The following TASOR2 variants were observed in gnomAD, a reference collection of about 807,000 sequenced individuals.
TASOR2 encodes the protein transcription activation suppressor family member 2.
A neutral mutation model predicts 199.5 loss-of-function variants in TASOR2; 84 were observed. The ratio of observed to expected loss-of-function variants is 0.42; its 90% CI spans 0.35 to 0.50. The LOEUF (loss-of-function observed/expected upper bound fraction) is 0.50. Among genes scored for constraint, TASOR2 ranks in the 20% least tolerant of loss-of-function variants. TASOR2 has a pLI of 0.02. For missense variants in TASOR2, 2,796 were observed against 2,835.9 expected, an observed-to-expected ratio of 0.99 and a Z score of 0.32; for synonymous variants, 1,103 against 1,046.6, an observed-to-expected ratio of 1.05 and a Z score of -1.04.
intron 11 of TASOR2, among the ~76,000 whole-genome samples, chr10:5,731,714 A>G (rs183848327): frequency 3.3e-4 from 51 of 152,350 alleles, no homozygotes; most frequent in African/African-American, 1.2e-3. Flanking sequence ...GGAAAGACCA[A>G]GATACCTCAA....
In TASOR2 at chr10:5,754,174, G is replaced by A. The variant is rs867379385; in HGVS notation, c.6607-2439G>A. Among the ~76,000 whole-genome samples, 2 of 152,114 alleles carry A rather than the reference G, an allele frequency of 1.3e-5. No homozygotes were observed. Among genetic ancestry groups the A allele is most frequent in the East Asian group, 1.9e-4 (1 of 5,160 alleles). On this transcript the variant is annotated intron_variant, in intron 15 of 20. Coordinates refer to ENST00000328090, the Ensembl canonical transcript of TASOR2. This position sits in a 1 kb window ranked among gnomAD's most constrained non-coding sequence, Gnocchi z 4.3. ...AAAAAAATTAGCCGGGTGTGGCGGC[G>A]CGCGCTTGTGGTACTCGGGAGGCTA...
chr10:5,758,950 T>C lies in TASOR2; in HGVS notation c.6950T>C (p.Leu2317Ser), dbSNP rs780459605. ...AATGGAAATGGAAGATGGAAGTGGT[T>C]GCTTCACTACAGGGAAAATAAAAAG... The change falls in exon 18 of 21, where the codon TTG becomes TCG. Residue 2317 changes from leucine to serine, a missense_variant. By Grantham distance (145) the Leu-to-Ser change is moderately radical. Around this residue, in one of 3 missense-constraint regions of TASOR2, gnomAD observed 1,941 missense variants for 1,924.9 expected, o/e 1.01. Transcript: ENST00000328090. The C allele has an allele frequency of 2.5e-6, 4 of 1,614,070 alleles. No individual in the cohort carries two copies. In the African/African-American group the frequency reaches 5.3e-5, roughly 22 times the overall value.
At chr10:5,697,023 A>G (rs1482958251) in intron 1 of TASOR2, among the ~76,000 whole-genome samples, 1 of 152,184 alleles carries the variant, frequency 6.6e-6, no homozygotes, top group Non-Finnish European at 1.5e-5. Context: ...CCAACCAAGG[A>G]GGTTCTTCAT....
chr10:5,732,930 G>A (rs1835030921), intron 11 of TASOR2, among the ~76,000 whole-genome samples: 1 of 152,102 alleles, frequency 6.6e-6, no homozygotes, highest in Non-Finnish European at 1.5e-5. Flanking sequence ...GAGGGTAAGT[G>A]GAAAGTATGG....
chr10:5,727,233 A>G (rs1426457386), intron 10 of TASOR2, 110 bp downstream of exon 11: 6 of 1,122,134 alleles, frequency 5.3e-6, no homozygotes, highest in African/African-American at 3.1e-5. Flanking sequence ...TTCCTCTTAA[A>G]TACCTCTTTT....
intron 1 of TASOR2, chr10:5,692,747 C>A (rs1365265942): frequency 6.6e-6 from 1 of 151,748 alleles, no homozygotes; most frequent in African/African-American, 2.4e-5. Context: ...CTCGCGGAGC[C>A]GGCGTCGCCC....
chr10:5,733,602 T>C (rs1835149024), intron 11 of TASOR2, among the ~76,000 whole-genome samples: 1 of 152,250 alleles, frequency 6.6e-6, no homozygotes, highest in Non-Finnish European at 1.5e-5. Flanking sequence ...GAATGTTACA[T>C]GTAAACAAAA....
chr10:5,703,196 A>G (rs1001943712), intron 1 of TASOR2, among the ~76,000 whole-genome samples: 5 of 152,306 alleles, frequency 3.3e-5, no homozygotes, highest in Admixed American at 1.3e-4. Flanking sequence ...CTAGAAGATC[A>G]TATTAGGGAT....
intron 2 of TASOR2, 98 bp downstream of exon 2, chr10:5,713,016 T>G (rs761183496): frequency 2.1e-5 from 12 of 573,532 alleles, no homozygotes; most frequent in Non-Finnish European, 3.1e-5. Context: ...AATTCATCAG[T>G]GTTTTTTGTT....
At chr10:5,763,128 G>A in exon 21 of TASOR2, 2 of 1,118,900 alleles carry the variant, frequency 1.8e-6, no homozygotes, top group East Asian at 2.6e-5. Context: ...CATGTGAACA[G>A]TCTTACATTT....
chr10:5,745,203 C>G (rs1322496567), intron 14 of TASOR2, among the ~76,000 whole-genome samples: 1 of 152,192 alleles, frequency 6.6e-6, no homozygotes, highest in Non-Finnish European at 1.5e-5. Context: ...ATCCTGCTTG[C>G]TACTGTTTAA....
chr10:5,692,058 C>G (rs114294414), intron 1 of TASOR2, among the ~76,000 whole-genome samples: 183 of 149,400 alleles, frequency 1.2e-3, no homozygotes, highest in African/African-American at 4.4e-3. Flanking sequence ...ACCTGTAATT[C>G]CAGCTACTCA....
At chr10:5,756,787 G>T in intron 16 of TASOR2, 49 bp downstream of exon 17, 1 of 1,589,080 alleles carries the variant, frequency 6.3e-7, no homozygotes, top group Non-Finnish European at 8.6e-7. Context: ...CACATAAGTT[G>T]TTCTGTAATG....
Position 5,757,878 on chromosome 10 carries a change from C to A in TASOR2, c.6886+205C>A, listed in dbSNP as rs142082831. On this transcript the variant is annotated intron_variant, in intron 17 of 20. Transcript: ENST00000328090. ...TGCTTTTCACCTCTTTTAACTGATT[C>A]TTACCACCACACTTGCTTCTGAGTT... Among the ~76,000 whole-genome samples the A allele has an allele frequency of 1.9e-3, 291 of 152,178 alleles. 2 individuals are homozygous for A. The highest frequency in any genetic ancestry group is 6.6e-3 in the African/African-American group (276 of 41,510).
At chr10:5,714,234 T>TA (rs1036031387) in intron 2 of TASOR2, 27 bp downstream of exon 3, 269 of 1,213,658 alleles carry the variant, frequency 2.2e-4, no homozygotes, top group Middle Eastern at 6.3e-4. Context: ...AAAAGAATCT[T>TA]AAAAAAAAAT....
Position 5,730,908 on chromosome 10 carries a change from G to T in TASOR2, c.909G>T (p.Met303Ile). 3 of 1,614,084 alleles carry T rather than the reference G, an allele frequency of 1.9e-6. No homozygotes were observed. In the South Asian group the frequency reaches 3.3e-5, roughly 18 times the overall value. The stretch of plus-strand genomic sequence containing the variant: ...GTGATGCTGGATTTTCCTTAGTTAT[G>T]ACTCCAGATCCTGAATTTCTTGTCT... Residue 303 changes from methionine to isoleucine, a missense_variant, in exon 11 of 21, where the codon ATG (methionine) becomes ATT (isoleucine). Physicochemically the swap from Met to Ile is conservative, Grantham distance 10 (BLOSUM62 1). Around this residue, in one of 3 missense-constraint regions of TASOR2, gnomAD observed 847 missense variants for 887.4 expected, o/e 0.95. Transcript: ENST00000328090. This position sits in a 1 kb window ranked among gnomAD's most constrained non-coding sequence, Gnocchi z 4.1.
chr10:5,746,599 G>T, exon 15 of TASOR2: 1 of 1,614,158 alleles, frequency 6.2e-7, no homozygotes, highest in Non-Finnish European at 8.5e-7. Context: ...TGAAAAAAAT[G>T]CACATGTACC....
chr10:5,736,124 C>T (rs1370849472), intron 12 of TASOR2, among the ~76,000 whole-genome samples: 1 of 152,000 alleles, frequency 6.6e-6, no homozygotes, highest in Admixed American at 6.5e-5. Context: ...TATTTTTTTA[C>T]AGAGACCAGG....
intron 8 of TASOR2, among the ~76,000 whole-genome samples, chr10:5,726,298 A>G (rs76633245): frequency 0.025 from 3,741 of 152,326 alleles, 57 homozygotes; most frequent in South Asian, 0.037. Flanking sequence ...CTTGAGCTCA[A>G]GAGTCCACTG....
Sources: gnomAD v4.1 joint callset for allele counts (sites outside exome capture counted in the v4.1 genomes callset) on GRCh38, gnomAD v4.1.1 for gene constraint, gnomAD v4.1.1 regional missense constraint, Gnocchi (gnomAD v3.1) non-coding constraint, MANE v1.5 for transcripts, NCBI Gene and HGNC (gene_info 2026-07-23, HGNC 2026-07-21) for gene names.